The following PPM1B variants were observed in gnomAD, a reference collection of about 807,000 sequenced individuals.
PPM1B encodes the protein protein phosphatase 1B.
PPM1B carries 22 observed loss-of-function variants against 43.0 expected under a neutral mutation model. The ratio of observed to expected loss-of-function variants is 0.51; its 90% CI spans 0.37 to 0.73. The LOEUF is 0.73. Ranked by LOEUF, PPM1B falls within the 30% of genes least tolerant of loss-of-function variation. The probability of loss-of-function intolerance (pLI) is 0.00; values close to 1 mark genes in which losing one functional copy is unlikely to be tolerated. For synonymous variants in PPM1B, 217 were observed against 197.9 expected, an observed-to-expected ratio of 1.10 and a Z score of -0.81; for missense variants, 632 against 584.2, an observed-to-expected ratio of 1.08 and a Z score of -0.84.
At chr2:44,174,855 A>G (rs1298351398) in intron 1 of PPM1B, among the ~76,000 whole-genome samples, 3 of 152,160 alleles carry the variant, frequency 2.0e-5, no homozygotes, top group African/African-American at 4.8e-5. Context: ...TGTTTAACCT[A>G]TTTGGGCAGT....
Position 44,194,324 on chromosome 2 carries a change from T to C in PPM1B, c.-14-6862T>C, listed in dbSNP as rs145762479. Among the ~76,000 whole-genome samples the C allele has an allele frequency of 4.3e-4, 65 of 152,314 alleles. 3 individuals are homozygous for C. The East Asian group carries it at 0.013, about 29-fold the overall frequency. ...CCAAGCATTTTATGGAGTATTCCTG[T>C]GTGTAAGTAATCTGTGGGTACTTTC... is the stretch of plus-strand genomic sequence containing the variant. On this transcript the variant is annotated intron_variant, in intron 1 of 5. Transcript: ENST00000282412.
intron 2 of PPM1B, among the ~76,000 whole-genome samples, chr2:44,203,983 A>T (rs978367813): frequency 6.6e-6 from 1 of 152,128 alleles, no homozygotes; most frequent in Non-Finnish European, 1.5e-5. Flanking sequence ...GTTCATGTTG[A>T]TGGTGTTAAA....
At chr2:44,233,722 T>C, downstream of PPM1B, 1 of 985,872 alleles carries the variant, frequency 1.0e-6, no homozygotes, top group Non-Finnish European at 1.2e-6. Flanking sequence ...GAGCCACACA[T>C]TTAAATACAG....
At chr2:44,175,211 G>T (rs898013548) in intron 1 of PPM1B, among the ~76,000 whole-genome samples, 15 of 152,108 alleles carry the variant, frequency 9.9e-5, no homozygotes, top group Non-Finnish European at 1.6e-4. Flanking sequence ...CTGAAATCGC[G>T]CCACTGCATT....
chr2:44,209,423 C>T (rs1461554085), intron 3 of PPM1B, 96 bp downstream of exon 3: 2 of 1,323,760 alleles, frequency 1.5e-6, no homozygotes, highest in Non-Finnish European at 2.0e-6. Context: ...CACACCAAGG[C>T]TCTGTCTCAA....
rs1669336957 is a variant in PPM1B, at chr2:44,209,233, T to C, written c.870T>C (p.Ile290=). 2 of 1,611,328 alleles carry C rather than the reference T, an allele frequency of 1.2e-6. No homozygotes were observed. Among genetic ancestry groups the C allele is most frequent in the African/African-American group, 1.3e-5 (1 of 74,840 alleles). ...LHKGSRDNMS[I]VLVCFSNAPK... Reference sequence around the variant, plus strand: ...AGGGAAGTCGAGATAACATGAGTATTGTACTAGTTTGCTTTTCAAATGCTC... The same window carrying C: ...AGGGAAGTCGAGATAACATGAGTATCGTACTAGTTTGCTTTTCAAATGCTC... Residue 290 remains isoleucine (I), a synonymous_variant, in exon 3 of 6, where the codon ATT becomes ATC. Coordinates refer to ENST00000282412, the MANE Select transcript of PPM1B (RefSeq NM_002706.6).
At chr2:44,239,896 G>GTTTTTT (rs66631221) in intron 5 of PPM1B, among the ~76,000 whole-genome samples, 3 of 140,276 alleles carry the variant, frequency 2.1e-5, no homozygotes, top group East Asian at 2.1e-4. Flanking sequence ...TTTTGTTTTT[G>GTTTTTT]TTTTTTTTTT....
chr2:44,211,845 G>A (rs1051009422), intron 3 of PPM1B, among the ~76,000 whole-genome samples: 2 of 149,382 alleles, frequency 1.3e-5, no homozygotes, highest in African/African-American at 4.9e-5. Context: ...TGCCTCCGGG[G>A]TTCAAGTGAT....
intron 5 of PPM1B, among the ~76,000 whole-genome samples, chr2:44,221,050 A>G (rs1254158829): frequency 6.6e-6 from 1 of 152,228 alleles, no homozygotes; most frequent in Admixed American, 6.5e-5. Flanking sequence ...CCTTATGTTT[A>G]GAGCATAAGA....
chr2:44,198,029 G>A (rs564792967), intron 1 of PPM1B, among the ~76,000 whole-genome samples: 14 of 152,228 alleles, frequency 9.2e-5, no homozygotes, highest in Non-Finnish European at 1.6e-4. Context: ...GAAGCAGATG[G>A]GATTGACAGA....
intron 5 of PPM1B, among the ~76,000 whole-genome samples, chr2:44,225,681 G>A (rs1316014171): frequency 6.6e-6 from 1 of 152,050 alleles, no homozygotes; most frequent in African/African-American, 2.4e-5. Flanking sequence ...TTTTGAGACG[G>A]AGTCTCACCC....
At chr2:44,211,867 A>C (rs1038171884) in intron 3 of PPM1B, among the ~76,000 whole-genome samples, 2 of 146,434 alleles carry the variant, frequency 1.4e-5, no homozygotes, top group African/African-American at 5.1e-5. Context: ...CTCCTGCCTC[A>C]CCCTTCTGAG....
downstream of PPM1B, among the ~76,000 whole-genome samples, chr2:44,237,174 T>G: frequency 6.6e-6 from 1 of 152,254 alleles, no homozygotes; most frequent in East Asian, 1.9e-4. Flanking sequence ...ACTGTCGTTT[T>G]TATGCTAAAT....
chr2:44,241,480 C>A (rs1051879547), intron 5 of PPM1B, among the ~76,000 whole-genome samples: 1 of 143,060 alleles, frequency 7.0e-6, no homozygotes, highest in African/African-American at 2.5e-5. Flanking sequence ...ACCTGTAATC[C>A]CGGCACTATG....
intron 3 of PPM1B, among the ~76,000 whole-genome samples, chr2:44,211,458 T>C (rs1669462807): frequency 6.6e-6 from 1 of 152,212 alleles, no homozygotes; most frequent in African/African-American, 2.4e-5. Context: ...TCTAGATTCT[T>C]CTCAGTGCAT....
intron 3 of PPM1B, among the ~76,000 whole-genome samples, chr2:44,212,234 G>C (rs577309747): frequency 5.3e-5 from 8 of 152,204 alleles, no homozygotes; most frequent in African/African-American, 1.7e-4. Context: ...CAGCTATACA[G>C]TACTACAGGA....
chr2:44,179,349 G>C (rs1378750506), intron 1 of PPM1B, among the ~76,000 whole-genome samples: 1 of 152,160 alleles, frequency 6.6e-6, no homozygotes, highest in Non-Finnish European at 1.5e-5. Context: ...AAAATCCATT[G>C]TGTATTTTAC....
At chr2:44,169,455 C>T (rs1468050765) in intron 1 of PPM1B, among the ~76,000 whole-genome samples, 181 bp downstream of exon 1, 2 of 152,240 alleles carry the variant, frequency 1.3e-5, no homozygotes, top group Non-Finnish European at 2.9e-5. Flanking sequence ...GGGCCTGGCT[C>T]TCGGGTATAG....
intron 1 of PPM1B, among the ~76,000 whole-genome samples, chr2:44,184,202 A>C (rs770240403): frequency 2.0e-5 from 3 of 152,254 alleles, no homozygotes; most frequent in Non-Finnish European, 4.4e-5. Flanking sequence ...AACAATTCTT[A>C]GCACACAGAA....
Sources: allele counts gnomAD v4.1 joint callset (sites outside exome capture counted in the v4.1 genomes callset), GRCh38; gene constraint gnomAD v4.1.1; transcripts MANE v1.5; gene names NCBI Gene and HGNC (gene_info 2026-07-23, HGNC 2026-07-21).